The following MAGI2 variants were observed in gnomAD, a reference collection of about 807,000 sequenced individuals.
MAGI2 encodes membrane associated guanylate kinase, WW and PDZ domain containing 2, also known as membrane-associated guanylate kinase, WW and PDZ domain-containing protein 2.
MAGI2 carries 35 observed loss-of-function variants against 133.3 expected under a neutral mutation model. The ratio of observed to expected loss-of-function variants is 0.26; its 90% confidence interval spans 0.20 to 0.35. The LOEUF (loss-of-function observed/expected upper bound fraction) is 0.35, where lower values mean the gene tolerates loss of function less well. Among genes scored for constraint, MAGI2 ranks in the 10% least tolerant of loss-of-function variants. The pLI is 1.00. For synonymous variants in MAGI2, 729 were observed against 710.6 expected (o/e 1.03, Z -0.41); for missense variants, 1,636 against 1,863.4 (o/e 0.88, Z 2.25).
intron 6 of MAGI2, among the ~76,000 whole-genome samples, chr7:78,440,413 G>T (rs947029222): frequency 1.3e-5 from 2 of 152,086 alleles, no homozygotes; most frequent in East Asian, 1.9e-4. Context: ...AAACCATGAG[G>T]GTCTGGGCTA....
intron 1 of MAGI2, among the ~76,000 whole-genome samples, chr7:79,180,763 G>A (rs994944886): frequency 6.6e-6 from 1 of 151,982 alleles, no homozygotes; most frequent in Non-Finnish European, 1.5e-5. Flanking sequence ...GAAAAGGCAA[G>A]TCCTGTTCAC....
At chr7:79,124,264 G>T (rs781163609) in intron 1 of MAGI2, among the ~76,000 whole-genome samples, 33 of 152,156 alleles carry the variant, frequency 2.2e-4, no homozygotes, top group Non-Finnish European at 4.4e-4. Context: ...TGGTTTGAAG[G>T]AGGAAAACAA....
intron 8 of MAGI2, among the ~76,000 whole-genome samples, chr7:78,344,625 A>AG (rs1790714826): frequency 1.3e-5 from 2 of 152,182 alleles, no homozygotes; most frequent in Non-Finnish European, 2.9e-5. Context: ...AGATAAATAA[A>AG]TTGCTATTGG....
At chr7:79,391,556 TATATATAC>T (rs1470075050) in intron 1 of MAGI2, among the ~76,000 whole-genome samples, 1 of 74,414 alleles carries the variant, frequency 1.3e-5, no homozygotes, top group Non-Finnish European at 2.4e-5. Context: ...TATATATATA[TATATATAC>T]ACACTTTACT....
chr7:78,230,586 G>A (rs184898091), intron 10 of MAGI2, among the ~76,000 whole-genome samples: 60 of 152,144 alleles, frequency 3.9e-4, no homozygotes, highest in African/African-American at 1.4e-3. Context: ...AATTTCTGAA[G>A]GAGTCAATTG....
chr7:78,918,292 A>T lies in MAGI2; in HGVS notation c.418+88798T>A, dbSNP rs572106342. 3.3e-5 allele frequency among the ~76,000 whole-genome samples: 5 copies of T among 152,224 alleles called. No individual in the cohort carries two copies. The South Asian group carries it at 1.0e-3, about 32-fold the overall frequency. On this transcript the variant is annotated intron_variant, in intron 2 of 21. Transcript: ENST00000354212. ...CCTTACTTGTTTAGTGTATTTTCTT[A>T]TCAAGGGCTCTCCTATTTCAATACC... is the stretch of plus-strand genomic sequence containing the variant.
intron 3 of MAGI2, among the ~76,000 whole-genome samples, chr7:78,563,889 C>G (rs1266980591): frequency 6.6e-6 from 1 of 152,142 alleles, no homozygotes; most frequent in Admixed American, 6.5e-5. Flanking sequence ...GTGTTTGAGA[C>G]TGCAAACAAG....
At chr7:78,614,979 G>T (rs368192446) in intron 3 of MAGI2, 1 of 152,130 alleles carries the variant, frequency 6.6e-6, no homozygotes, top group African/African-American at 2.4e-5. Context: ...GCAATATTTT[G>T]ATTACCTCTG....
intron 2 of MAGI2, among the ~76,000 whole-genome samples, chr7:78,758,579 C>T (rs1014456095): frequency 6.6e-6 from 1 of 152,162 alleles, no homozygotes; most frequent in Non-Finnish European, 1.5e-5. Flanking sequence ...AGGTACATAT[C>T]ACATGCACAT....
chr7:78,400,783 C>G (rs1476818449), intron 6 of MAGI2, among the ~76,000 whole-genome samples: 1 of 152,144 alleles, frequency 6.6e-6, no homozygotes, highest in Non-Finnish European at 1.5e-5. Context: ...GGTAGGACGG[C>G]TAACTTATTA....
At chr7:78,802,132 C>T (rs1016007233) in intron 2 of MAGI2, among the ~76,000 whole-genome samples, 3 of 152,180 alleles carry the variant, frequency 2.0e-5, no homozygotes, top group East Asian at 1.9e-4. Flanking sequence ...TCCAGGCCTC[C>T]GTACCTACGA....
chr7:78,768,562 C>G (rs1015485113), intron 2 of MAGI2, among the ~76,000 whole-genome samples: 1 of 152,064 alleles, frequency 6.6e-6, no homozygotes, highest in Non-Finnish European at 1.5e-5. Context: ...CGATGAAAAC[C>G]CTTGGAGGGT....
chr7:78,976,804 A>G (rs1470583634), intron 2 of MAGI2, among the ~76,000 whole-genome samples: 1 of 151,584 alleles, frequency 6.6e-6, no homozygotes, highest in Admixed American at 6.6e-5. Context: ...TCTGCTTTAT[A>G]CTAACAATAA....
At chr7:79,297,290 T>C (rs1837012573) in intron 1 of MAGI2, among the ~76,000 whole-genome samples, 3 of 152,186 alleles carry the variant, frequency 2.0e-5, no homozygotes, top group Admixed American at 2.0e-4. Flanking sequence ...ATACTAGAGA[T>C]GCCAGGAGGA....
chr7:79,195,223 A>G (rs1165438021), intron 1 of MAGI2, among the ~76,000 whole-genome samples: 1 of 151,994 alleles, frequency 6.6e-6, no homozygotes. Context: ...ATTTAAGCAG[A>G]CATCACTGAC....
At chr7:78,493,751 T>A (rs943179251) in intron 5 of MAGI2, among the ~76,000 whole-genome samples, 9 of 152,152 alleles carry the variant, frequency 5.9e-5, no homozygotes, top group Non-Finnish European at 1.3e-4. Context: ...CTTCTGCCAG[T>A]AGTTTAGAAA....
At chr7:79,154,400 A>T (rs1823559853) in intron 1 of MAGI2, among the ~76,000 whole-genome samples, 1 of 152,152 alleles carries the variant, frequency 6.6e-6, no homozygotes, top group South Asian at 2.1e-4. Context: ...ATTTGATTAC[A>T]TTTGATCTTG....
rs1794856125 is a variant in MAGI2, at chr7:78,503,797, G to GT, written c.755-2011dup. 2.0e-5 allele frequency among the ~76,000 whole-genome samples: 3 copies of GT among 151,108 alleles called. No homozygotes were observed. In the South Asian group the frequency reaches 6.4e-4, roughly 32 times the overall value. On this transcript the variant is annotated intron_variant, in intron 4 of 21. Coordinates refer to ENST00000354212, the MANE Select transcript of MAGI2 (RefSeq NM_012301.4). ...TGAATAAGTGAAAATAAGGTGGGCC[G>GT]TTATGATTGACCTCATAAGTATACA...
At chr7:78,942,368 A>C (rs533932294) in intron 2 of MAGI2, among the ~76,000 whole-genome samples, 1 of 152,274 alleles carries the variant, frequency 6.6e-6, no homozygotes, top group East Asian at 1.9e-4. Flanking sequence ...AAAAATAAGT[A>C]GATGTACCTA....
Sources: gnomAD v4.1 joint callset for allele counts (sites outside exome capture counted in the v4.1 genomes callset) on GRCh38, gnomAD v4.1.1 for gene constraint, MANE v1.5 for transcripts, NCBI Gene and HGNC (gene_info 2026-07-23, HGNC 2026-07-21) for gene names.